The following SDCCAG8 variants were observed in gnomAD, a reference collection of about 807,000 sequenced individuals.
SDCCAG8 encodes SHH signaling and ciliogenesis regulator SDCCAG8.
Under a neutral mutation model 101.8 loss-of-function variants are expected in SDCCAG8, and 74 were observed. The ratio of observed to expected loss-of-function variants is 0.73; its 90% CI spans 0.60 to 0.88. SDCCAG8 has a LOEUF of 0.88. Ranked by LOEUF, SDCCAG8 falls within the 40% of genes least tolerant of loss-of-function variation. The pLI is 0.00. For synonymous variants in SDCCAG8, 281 were observed against 292.9 expected (o/e 0.96, Z 0.41); for missense variants, 787 against 822.6 (o/e 0.96, Z 0.53).
At chr1:243,476,949 T>C (rs1035344355) in intron 16 of SDCCAG8, among the ~76,000 whole-genome samples, 1 of 151,976 alleles carries the variant, frequency 6.6e-6, no homozygotes, top group African/African-American at 2.4e-5. Context: ...CACTGTAGCA[T>C]ATAAGATAAA....
intron 16 of SDCCAG8, among the ~76,000 whole-genome samples, chr1:243,455,871 T>TA (rs1338294775): frequency 6.6e-6 from 1 of 152,258 alleles, no homozygotes; most frequent in Admixed American, 6.5e-5. Context: ...AAGTGCAAAG[T>TA]ACATTTGATA....
At chr1:243,364,439 T>C (rs1489306272) in intron 12 of SDCCAG8, among the ~76,000 whole-genome samples, 2 of 152,156 alleles carry the variant, frequency 1.3e-5, no homozygotes, top group African/African-American at 4.8e-5. Context: ...TCCTTAGGAT[T>C]TGGGAACCAG....
chr1:243,492,295 C>CTT (rs33950392), intron 17 of SDCCAG8, among the ~76,000 whole-genome samples: 20,051 of 62,940 alleles, frequency 0.32, 7,678 homozygotes, highest in Middle Eastern at 0.64. Flanking sequence ...CGTTTCTTGG[C>CTT]TTTTTTTTTT....
At chr1:243,290,608 C>T (rs12091558) in intron 5 of SDCCAG8, among the ~76,000 whole-genome samples, 44,745 of 151,960 alleles carry the variant, frequency 0.29, 6,805 homozygotes, top group South Asian at 0.52. Flanking sequence ...CATTCATCAC[C>T]TTATGTTTTG....
At chr1:243,482,435 A>T (rs1024304287) in intron 16 of SDCCAG8, among the ~76,000 whole-genome samples, 6 of 152,036 alleles carry the variant, frequency 3.9e-5, no homozygotes, top group Non-Finnish European at 7.4e-5. Flanking sequence ...TGCCCCTGAC[A>T]CGCCTGAAAT....
At chr1:243,270,475 TCCTAAGATAGCTCTAA>T (rs1323163140) in intron 2 of SDCCAG8, among the ~76,000 whole-genome samples, 1 of 152,218 alleles carries the variant, frequency 6.6e-6, no homozygotes, top group African/African-American at 2.4e-5. Context: ...AACAGTGTTT[TCCTAAGATAGCTCTAA>T]CCTGCCTCTT....
intron 16 of SDCCAG8, among the ~76,000 whole-genome samples, chr1:243,487,642 A>T (rs1436847227): frequency 2.0e-5 from 3 of 152,164 alleles, no homozygotes; most frequent in Non-Finnish European, 2.9e-5. Context: ...CACTTTCTCC[A>T]GAACCTGCGG....
At chr1:243,479,678 T>C (rs1425073371) in intron 16 of SDCCAG8, among the ~76,000 whole-genome samples, 1 of 152,156 alleles carries the variant, frequency 6.6e-6, no homozygotes, top group Non-Finnish European at 1.5e-5. Context: ...GAAACTGAGA[T>C]TCAAAGTGAT....
intron 16 of SDCCAG8, among the ~76,000 whole-genome samples, chr1:243,450,274 G>T (rs2083254014): frequency 6.6e-6 from 1 of 152,154 alleles, no homozygotes; most frequent in Admixed American, 6.5e-5. Context: ...TCATTTAAAA[G>T]TTGTTAGGTA....
At chr1:243,290,312 G>A (rs1392084929) in intron 5 of SDCCAG8, among the ~76,000 whole-genome samples, 1 of 151,570 alleles carries the variant, frequency 6.6e-6, no homozygotes, top group East Asian at 2.0e-4. Context: ...TAGCATTCAA[G>A]TTTTTTAAAA....
chr1:243,473,583 T>G (rs1171687282), intron 16 of SDCCAG8, among the ~76,000 whole-genome samples: 1 of 152,176 alleles, frequency 6.6e-6, no homozygotes, highest in Non-Finnish European at 1.5e-5. Flanking sequence ...TTGGGCAGAT[T>G]GTGTTAGAAA....
intron 16 of SDCCAG8, among the ~76,000 whole-genome samples, chr1:243,444,538 A>AT (rs1310549371): frequency 2.0e-5 from 3 of 151,530 alleles, no homozygotes; most frequent in Non-Finnish European, 4.4e-5. Context: ...TGCCCAGCTG[A>AT]TTTTTTCTAT....
intron 16 of SDCCAG8, among the ~76,000 whole-genome samples, chr1:243,465,584 G>A (rs561083345): frequency 6.6e-6 from 1 of 152,198 alleles, no homozygotes; most frequent in African/African-American, 2.4e-5. Context: ...TTTTCTGTAT[G>A]TTAGTCTTTC....
intron 16 of SDCCAG8, among the ~76,000 whole-genome samples, chr1:243,431,709 A>G (rs1192897605): frequency 6.6e-6 from 1 of 151,964 alleles, no homozygotes; most frequent in African/African-American, 2.4e-5. Flanking sequence ...TTCTCCCTAG[A>G]AAATAGAGCT....
At chr1:243,472,248 T>C (rs536954551) in intron 16 of SDCCAG8, among the ~76,000 whole-genome samples, 4 of 152,350 alleles carry the variant, frequency 2.6e-5, no homozygotes, top group African/African-American at 7.2e-5. Flanking sequence ...TTGTGCTTAA[T>C]GGAAGATAAA....
intron 3 of SDCCAG8, among the ~76,000 whole-genome samples, chr1:243,272,821 A>G (rs2068205055): frequency 6.6e-6 from 1 of 152,230 alleles, no homozygotes; most frequent in Non-Finnish European, 1.5e-5. Flanking sequence ...TTTAGAATGC[A>G]CTTTCATAGC....
rs528306267 is a variant in SDCCAG8, at chr1:243,260,837, A to G, written c.67+4597A>G. ...TCAACATTTTGGTGTTTCAGCCTTTAGATGAATTTATGGGAAGAGTGTGGT... is the reference window on the plus strand; with the variant it reads ...TCAACATTTTGGTGTTTCAGCCTTTGGATGAATTTATGGGAAGAGTGTGGT... On this transcript the variant is annotated intron_variant, in intron 1 of 17. Coordinates refer to ENST00000366541, the MANE Select transcript of SDCCAG8 (RefSeq NM_006642.5). 5.9e-5 allele frequency among the ~76,000 whole-genome samples: 9 copies of G among 152,322 alleles called. No homozygotes were observed. In the South Asian group the frequency reaches 1.9e-3, roughly 32 times the overall value.
At chr1:243,419,208 G>A (rs954295885) in intron 15 of SDCCAG8, among the ~76,000 whole-genome samples, 1 of 152,050 alleles carries the variant, frequency 6.6e-6, no homozygotes, top group Non-Finnish European at 1.5e-5. Flanking sequence ...ACTCTGACAT[G>A]CGCACCTTCC....
At chr1:243,336,844 GGTT>G (rs1322376399) in intron 10 of SDCCAG8, among the ~76,000 whole-genome samples, 1 of 151,966 alleles carries the variant, frequency 6.6e-6, no homozygotes, top group Non-Finnish European at 1.5e-5. Flanking sequence ...TTTTTAATGG[GGTT>G]GTTTTCTGCT....
Sources: allele counts gnomAD v4.1 joint callset (sites outside exome capture counted in the v4.1 genomes callset), GRCh38; gene constraint gnomAD v4.1.1; transcripts MANE v1.5; gene names NCBI Gene and HGNC (gene_info 2026-07-23, HGNC 2026-07-21).